Variants in GALNTL6 observed in about 807,000 individuals in gnomAD.
GALNTL6 encodes the protein polypeptide N-acetylgalactosaminyltransferase-like 6.
A neutral mutation model predicts 73.7 loss-of-function variants in GALNTL6; 46 were observed. That is an observed-to-expected ratio of 0.62 (90% CI 0.49 to 0.80). The LOEUF is 0.80. Among genes scored for constraint, GALNTL6 ranks in the 30% least tolerant of loss-of-function variants. The pLI is 0.00. For synonymous variants in GALNTL6, 259 were observed against 263.7 expected (o/e 0.98, Z 0.17); for missense variants, 604 against 755.0 (o/e 0.80, Z 2.34).
intron 7 of GALNTL6, among the ~76,000 whole-genome samples, chr4:172,858,370 T>C (rs1744220529): frequency 6.6e-6 from 1 of 152,092 alleles, no homozygotes; most frequent in African/African-American, 2.4e-5. Flanking sequence ...TGTGAGTAAA[T>C]ATAAAGCAAG....
intron 5 of GALNTL6, among the ~76,000 whole-genome samples, chr4:172,490,539 T>C (rs541494597): frequency 2.0e-4 from 31 of 152,164 alleles, no homozygotes; most frequent in Admixed American, 1.2e-3. Flanking sequence ...AATACACAGT[T>C]ATTAACAGAG....
chr4:172,454,093 AT>A (rs1358168489), intron 5 of GALNTL6, among the ~76,000 whole-genome samples: 2 of 152,348 alleles, frequency 1.3e-5, no homozygotes, highest in East Asian at 3.9e-4. Context: ...GGAGGAAAAG[AT>A]AACTGTAAAA....
At chr4:172,689,218 A>G (rs1439328361) in intron 5 of GALNTL6, among the ~76,000 whole-genome samples, 1 of 152,200 alleles carries the variant, frequency 6.6e-6, no homozygotes. Context: ...ATTTATGTTC[A>G]TTGGTAATAG....
At chr4:172,804,679 G>A (rs556471179) in intron 5 of GALNTL6, among the ~76,000 whole-genome samples, 2 of 152,240 alleles carry the variant, frequency 1.3e-5, no homozygotes, top group African/African-American at 4.8e-5. Flanking sequence ...CAGCCCTCTC[G>A]GGAACAATCC....
intron 10 of GALNTL6, among the ~76,000 whole-genome samples, chr4:172,983,683 A>G (rs1402571912): frequency 6.6e-6 from 1 of 152,180 alleles, no homozygotes. Flanking sequence ...CAACAAGTGC[A>G]AAACTCTGTC....
chr4:172,074,077 C>T (rs915327184), intron 2 of GALNTL6, among the ~76,000 whole-genome samples: 1 of 152,138 alleles, frequency 6.6e-6, no homozygotes, highest in Admixed American at 6.5e-5. Flanking sequence ...TGTGACTAAT[C>T]TCAATAACGT....
At chr4:172,659,563 A>G (rs1471258225) in intron 5 of GALNTL6, among the ~76,000 whole-genome samples, 2 of 150,490 alleles carry the variant, frequency 1.3e-5, no homozygotes, top group African/African-American at 4.9e-5. Context: ...GGTAACCACC[A>G]TTTATTCTCT....
chr4:172,072,803 A>G (rs996433027), intron 2 of GALNTL6, among the ~76,000 whole-genome samples: 4 of 152,202 alleles, frequency 2.6e-5, no homozygotes, highest in Non-Finnish European at 5.9e-5. Flanking sequence ...GACTACCAAT[A>G]GCCTTCTAAA....
intron 2 of GALNTL6, among the ~76,000 whole-genome samples, chr4:172,065,095 C>T (rs1011217297): frequency 1.3e-5 from 2 of 152,024 alleles, no homozygotes; most frequent in African/African-American, 4.8e-5. Flanking sequence ...TTTAGTCCCA[C>T]TATATCAGCA....
At chr4:172,675,846 T>C (rs1732272842) in intron 5 of GALNTL6, among the ~76,000 whole-genome samples, 1 of 152,210 alleles carries the variant, frequency 6.6e-6, no homozygotes, top group Non-Finnish European at 1.5e-5. Context: ...CTTTTTCATG[T>C]CTCAGTATTT....
At chr4:172,879,522 A>G (rs1324424918) in intron 7 of GALNTL6, among the ~76,000 whole-genome samples, 4 of 151,962 alleles carry the variant, frequency 2.6e-5, no homozygotes, top group African/African-American at 9.7e-5. Context: ...ATACTTCTAT[A>G]TAACATATAG....
chr4:172,157,267 CAGA>C (rs1734315973), intron 2 of GALNTL6, among the ~76,000 whole-genome samples: 1 of 152,272 alleles, frequency 6.6e-6, no homozygotes, highest in South Asian at 2.1e-4. Context: ...TATCGAGTCT[CAGA>C]AGAAGGAGCA....
At chr4:171,951,183 AAAG>A (rs1479212509) in intron 2 of GALNTL6, among the ~76,000 whole-genome samples, 1 of 152,068 alleles carries the variant, frequency 6.6e-6, no homozygotes, top group Admixed American at 6.6e-5. Flanking sequence ...AAAAGGAAGA[AAAG>A]AAGTTGCTAA....
chr4:172,917,884 T>C (rs1341310767), intron 8 of GALNTL6, among the ~76,000 whole-genome samples: 3 of 152,132 alleles, frequency 2.0e-5, no homozygotes, highest in Non-Finnish European at 4.4e-5. Flanking sequence ...TTTGACCCAG[T>C]GATCCCATTA....
intron 10 of GALNTL6, among the ~76,000 whole-genome samples, chr4:172,994,493 T>C (rs1159288582): frequency 6.6e-6 from 1 of 152,206 alleles, no homozygotes; most frequent in Non-Finnish European, 1.5e-5. Flanking sequence ...CACAGAGAAA[T>C]ATTTCAGGGA....
chr4:172,676,540 T>A lies in GALNTL6; in HGVS notation c.554-132821T>A, dbSNP rs1256391115. Among the ~76,000 whole-genome samples the A allele has an allele frequency of 2.0e-5, 3 of 152,246 alleles. No homozygotes were observed. The East Asian group carries it at 5.8e-4, about 29-fold the overall frequency. On this transcript the variant is annotated intron_variant, in intron 5 of 12. Transcript: ENST00000506823. The stretch of plus-strand genomic sequence containing the variant: ...ATTCAGTCCTCCTGTATTTTGGGCT[T>A]GGGTGCATTGAGCAAGCAATTTCCT...
chr4:171,823,227 T>C (rs555003050), intron 2 of GALNTL6, among the ~76,000 whole-genome samples: 1 of 152,238 alleles, frequency 6.6e-6, no homozygotes, highest in Admixed American at 6.5e-5. Context: ...AAATATCTTA[T>C]ATTTTTAAGA....
intron 2 of GALNTL6, among the ~76,000 whole-genome samples, chr4:172,127,261 C>T (rs529727229): frequency 6.6e-6 from 1 of 152,346 alleles, no homozygotes; most frequent in African/African-American, 2.4e-5. Context: ...CTCTACCCCT[C>T]AGTACGCGGC....
intron 5 of GALNTL6, among the ~76,000 whole-genome samples, chr4:172,705,614 G>C (rs941646767): frequency 1.3e-5 from 2 of 151,576 alleles, no homozygotes; most frequent in African/African-American, 4.8e-5. Flanking sequence ...TTTTTTGGTT[G>C]TATGTTGGTA....
Sources: gnomAD v4.1 joint callset for allele counts (sites outside exome capture counted in the v4.1 genomes callset) on GRCh38, gnomAD v4.1.1 for gene constraint, MANE v1.5 for transcripts, NCBI Gene and HGNC (gene_info 2026-07-23, HGNC 2026-07-21) for gene names.